Variants in BCO2 observed in about 807,000 individuals in gnomAD.
BCO2 encodes the protein carotenoid-cleaving dioxygenase, mitochondrial.
In BCO2, 56 loss-of-function variants were observed where a neutral mutation model predicts 65.8. The observed-to-expected ratio is 0.85, with a 90% confidence interval of 0.69 to 1.06. The LOEUF is 1.06. BCO2 is among the 50% of genes least tolerant of loss of function. The pLI is 0.00. For synonymous variants in BCO2, 233 were observed against 242.3 expected, an observed-to-expected ratio of 0.96 and a Z score of 0.36; for missense variants, 675 against 698.5, an observed-to-expected ratio of 0.97 and a Z score of 0.38.
At chr11:112,180,603 C>T (rs1402949910) in intron 2 of BCO2, among the ~76,000 whole-genome samples, 1 of 150,662 alleles carries the variant, frequency 6.6e-6, no homozygotes, top group Non-Finnish European at 1.5e-5. Context: ...TGGCTGAGCC[C>T]TGGGTGTGGG....
At chr11:112,201,480 C>G (rs1204088096) in intron 7 of BCO2, among the ~76,000 whole-genome samples, 1 of 152,156 alleles carries the variant, frequency 6.6e-6, no homozygotes, top group African/African-American at 2.4e-5. Flanking sequence ...GTGACTATGA[C>G]AATCCTACTA....
rs1316403810 is a variant in BCO2 at position 112,194,816 on chromosome 11, A to G, written c.736+61A>G. The G allele has an allele frequency of 4.2e-6, 5 of 1,184,978 alleles. No individual in the cohort carries two copies. The African/African-American group carries it at 7.7e-5, about 18-fold the overall frequency. The allele number at this position is 1,184,978 out of a possible 1,614,324, so 73.4% of individuals were successfully genotyped here. On this transcript the variant is annotated intron_variant, in intron 5 of 11. Transcript: ENST00000357685. ...GAGACCAGGCACGGTGTGTATATAA[A>G]GATGAATACTACAGGTTTGTTTTTT...
At chr11:112,195,022 A>G (rs543541566) in intron 5 of BCO2, among the ~76,000 whole-genome samples, 1 of 90,644 alleles carries the variant, frequency 1.1e-5, no homozygotes, top group East Asian at 2.6e-4. Flanking sequence ...TGGTCTATCT[A>G]TCTTATCTTG....
At chr11:112,183,250 C>A in intron 2 of BCO2, 1 of 742,660 alleles carries the variant, frequency 1.3e-6, no homozygotes, top group Admixed American at 1.9e-5. Flanking sequence ...TATCACTTTT[C>A]TTTCTCCATC....
chr11:112,197,735 T>C (rs4935983), intron 5 of BCO2, among the ~76,000 whole-genome samples: 8 of 152,130 alleles, frequency 5.3e-5, no homozygotes, highest in African/African-American at 1.9e-4. Context: ...TCTTTTCAGC[T>C]CTGTAACACC....
chr11:112,200,735 A>C lies in BCO2; in HGVS notation c.988A>C (p.Asn330His). Reference protein sequence around the residue: ...SDGISWEPQCNTRFHVVEKRT... With the variant: ...SDGISWEPQCHTRFHVVEKRT... ...TGGGATAAGCTGGGAACCCCAGTGT[A>C]ATACGCGGTTTCATGTGGTGGAAAA... Residue 330 changes from asparagine (N) to histidine (H), a missense_variant, in exon 7 of 12, where the codon AAT becomes CAT. Coordinates refer to ENST00000357685, the MANE Select transcript of BCO2 (RefSeq NM_031938.7). 1.2e-6 allele frequency: 2 copies of C among 1,613,908 alleles called. No homozygotes were observed. The highest frequency in any genetic ancestry group is 1.1e-5 in the South Asian group (1 of 90,998).
chr11:112,193,535 G>GT lies in BCO2; in HGVS notation c.356dup (p.Thr120AspfsTer10), dbSNP rs1566779615. ...CCAGTTCAGAATGGCAAAGGGCACAGTGACATACAGGAGCAAGTTTCTACA... is the reference window on the plus strand; with the variant it reads ...CCAGTTCAGAATGGCAAAGGGCACAGTTGACATACAGGAGCAAGTTTCTACA... On this transcript the variant is annotated frameshift_variant, in exon 3 of 12. Coordinates refer to ENST00000357685, the MANE Select transcript of BCO2 (RefSeq NM_031938.7). LOFTEE classifies it high-confidence loss of function. 1 of 1,614,156 alleles carries GT rather than the reference G, an allele frequency of 6.2e-7. No individual in the cohort carries two copies. Among genetic ancestry groups the GT allele is most frequent in the East Asian group, 2.2e-5 (1 of 44,878 alleles).
At position 112,214,938 on chromosome 11, in the gene BCO2, A is replaced by T. The variant is rs752526560; in HGVS notation, c.1509A>T (p.Thr503=). The change falls in exon 10 of 12, where the codon ACA becomes ACT. Residue 503 remains threonine (T), a synonymous_variant. Transcript: ENST00000357685. ...SLIKVDVVNK[T]LKVWREDGFY... ...TCAAGGTTGATGTGGTGAATAAGAC[A>T]CTGAAGGTGATGAAAAACTCTTTCC... is the stretch of plus-strand genomic sequence containing the variant. The T allele has an allele frequency of 1.2e-6, 2 of 1,614,016 alleles. No homozygotes were observed. Among genetic ancestry groups the T allele is most frequent in the African/African-American group, 1.3e-5 (1 of 74,936 alleles).
intron 2 of BCO2, chr11:112,181,168 T>C (rs1867029838): frequency 1.1e-6 from 1 of 919,766 alleles, no homozygotes; most frequent in Non-Finnish European, 1.7e-6. Flanking sequence ...AGCAAGATGA[T>C]AGAGGAGCTT....
intron 2 of BCO2, chr11:112,183,164 A>C (rs546911836): frequency 2.3e-5 from 25 of 1,105,910 alleles, no homozygotes; most frequent in Non-Finnish European, 3.5e-5. Flanking sequence ...TGCTAACACC[A>C]CTATACATGT....
chr11:112,196,325 A>T (rs1867572644), intron 5 of BCO2, among the ~76,000 whole-genome samples: 1 of 152,118 alleles, frequency 6.6e-6, no homozygotes, highest in African/African-American at 2.4e-5. Context: ...ATGTGCAGGC[A>T]ACTGCAGGGA....
At chr11:112,208,354 A>G (rs1276909661) in intron 8 of BCO2, among the ~76,000 whole-genome samples, 1 of 151,286 alleles carries the variant, frequency 6.6e-6, no homozygotes, top group East Asian at 1.9e-4. Context: ...AGATTTTTAC[A>G]TCTATAATAT....
chr11:112,214,931 A>C lies in BCO2; in HGVS notation c.1502A>C (p.Asn501Thr), dbSNP rs575732625. 37 of 1,614,062 alleles carry C rather than the reference A, an allele frequency of 2.3e-5. No homozygotes were observed. The South Asian group carries it at 3.5e-4, about 15-fold the overall frequency. ...TCTCTGATCAAGGTTGATGTGGTGA[A>C]TAAGACACTGAAGGTGATGAAAAAC... ...GDSLIKVDVV[N>T]KTLKVWREDG... is the part of the protein sequence containing the mutation. The change falls in exon 10 of 12, where the codon AAT becomes ACT. Residue 501 changes from asparagine to threonine, a missense_variant. Physicochemically the swap from Asn to Thr is moderately conservative, Grantham distance 65. Coordinates refer to ENST00000357685, the MANE Select transcript of BCO2 (RefSeq NM_031938.7).
Position 112,218,486 on chromosome 11 carries a change from C to A in BCO2, c.*612C>A. The A allele has an allele frequency of 3.8e-6, 1 of 261,844 alleles. No individual in the cohort carries two copies. Among genetic ancestry groups the A allele is most frequent in the Admixed American group, 3.4e-5 (1 of 29,324 alleles). The allele number at this position is 261,844 out of a possible 1,614,324, so 16.2% of individuals were successfully genotyped here. A position where few individuals can be genotyped will look rare whatever the true frequency, so the allele number is the denominator to read the frequency against. On this transcript the variant is annotated 3_prime_UTR_variant, in exon 12 of 12. Coordinates refer to ENST00000357685, the MANE Select transcript of BCO2 (RefSeq NM_031938.7). ...CAAGCCCACTTTTGTCTGCCTGCACCCAACTGCAATGAGCCTATGTATGTC... is the reference window on the plus strand; with the variant it reads ...CAAGCCCACTTTTGTCTGCCTGCACACAACTGCAATGAGCCTATGTATGTC...
intron 2 of BCO2, 38 bp from the exon 3 acceptor site, chr11:112,193,436 T>C: frequency 6.4e-7 from 1 of 1,559,578 alleles, no homozygotes. Context: ...TATCTCATGT[T>C]TTCTTACTGA....
chr11:112,181,045 G>A (rs1260567630), intron 2 of BCO2: 1 of 1,473,916 alleles, frequency 6.8e-7, no homozygotes, highest in African/African-American at 1.4e-5. Flanking sequence ...CAGAGTGGCT[G>A]ACATTAAATG....
chr11:112,217,837 TG>T lies in BCO2; in HGVS notation c.1704del (p.Met568IlefsTer22). 1 of 1,614,130 alleles carries T rather than the reference TG, an allele frequency of 6.2e-7. No homozygotes were observed. The highest frequency in any genetic ancestry group is 8.5e-7 in the Non-Finnish European group (1 of 1,179,960). On this transcript the variant is annotated frameshift_variant, in exon 12 of 12. Coordinates refer to ENST00000357685, the MANE Select transcript of BCO2 (RefSeq NM_031938.7). LOFTEE classifies it high-confidence loss of function. Reference protein sequence around the residue: ...ELGRAEVPVQMPYGFHGTFIP... With the variant: ...ELGRAEVPVQXPYGFHGTFIP... ...GGCCGAGCAGAGGTACCTGTGCAGATGCCTTATGGGTTCCATGGTACCTTCA... is the reference window on the plus strand; with the variant it reads ...GGCCGAGCAGAGGTACCTGTGCAGATCCTTATGGGTTCCATGGTACCTTCA...
At position 112,194,058 on chromosome 11, in the gene BCO2, T is replaced by C. The variant is rs1008009111; in HGVS notation, c.633+64T>C. The C allele has an allele frequency of 1.5e-5, 14 of 957,666 alleles. No homozygotes were observed. In the South Asian group the frequency reaches 1.7e-4, roughly 12 times the overall value. The allele number at this position is 957,666 out of a possible 1,614,324, so 59.3% of individuals were successfully genotyped here. A position where few individuals can be genotyped will look rare whatever the true frequency, so the allele number is the denominator to read the frequency against. Reference sequence around the variant, plus strand: ...TAACATTTCTTTCCATTTGAAATACTTTTTAGAGTAGTATATATCAAGAAG... The same window carrying C: ...TAACATTTCTTTCCATTTGAAATACCTTTTAGAGTAGTATATATCAAGAAG... On this transcript the variant is annotated intron_variant, in intron 4 of 11. Transcript: ENST00000357685.
At chr11:112,176,514 T>TGGC (rs1555193525) in intron 1 of BCO2, 2 of 2,544 alleles carry the variant, frequency 7.9e-4, no homozygotes, top group Non-Finnish European at 1.5e-3. Flanking sequence ...GAAAATTGAT[T>TGGC]GGCGGGGGGG....
Sources: gnomAD v4.1 joint callset for allele counts (sites outside exome capture counted in the v4.1 genomes callset) on GRCh38, gnomAD v4.1.1 for gene constraint, MANE v1.5 for transcripts, NCBI Gene and HGNC (gene_info 2026-07-23, HGNC 2026-07-21) for gene names.